The following LRP1B variants were observed in gnomAD, a reference collection of about 807,000 sequenced individuals.
LRP1B encodes LDL receptor related protein 1B.
A neutral mutation model predicts 556.6 loss-of-function variants in LRP1B; 217 were observed. The ratio of observed to expected loss-of-function variants is 0.39; its 90% CI spans 0.35 to 0.44. LRP1B has a LOEUF of 0.44. Ranked by LOEUF, LRP1B falls within the 20% of genes least tolerant of loss-of-function variation. The pLI is 1.00. For synonymous variants in LRP1B, 2,047 were observed against 1,865.8 expected (o/e 1.10, Z -2.50); for missense variants, 5,053 against 5,620.8 (o/e 0.90, Z 3.23).
chr2:140,522,851 T>C (rs1191369878), intron 49 of LRP1B, among the ~76,000 whole-genome samples: 1 of 151,840 alleles, frequency 6.6e-6, no homozygotes, highest in Non-Finnish European at 1.5e-5. Flanking sequence ...AGGAAGACAT[T>C]GAAAACATGA....
intron 2 of LRP1B, among the ~76,000 whole-genome samples, chr2:141,538,170 C>G (rs111812730): frequency 4.6e-5 from 7 of 152,234 alleles, no homozygotes; most frequent in African/African-American, 1.7e-4. Context: ...GTCCACACAA[C>G]CGCCATTTGC....
Position 142,115,332 on chromosome 2 carries a change from G to C in LRP1B, c.82+15316C>G, listed in dbSNP as rs1047766224. Among the ~76,000 whole-genome samples, 9 of 148,886 alleles carry C rather than the reference G, an allele frequency of 6.0e-5. 1 individual carries two copies. The highest frequency in any genetic ancestry group is 4.2e-4 in the Admixed American group (6 of 14,386). On this transcript the variant is annotated intron_variant, in intron 1 of 90. Coordinates refer to ENST00000389484, the MANE Select transcript of LRP1B (RefSeq NM_018557.3). ...AAAAAAGGTTGAAGATATGTCAAAGGGTAGAGGAGGCAAACTGAAAGAGCT... is the reference window on the plus strand; with the variant it reads ...AAAAAAGGTTGAAGATATGTCAAAGCGTAGAGGAGGCAAACTGAAAGAGCT...
intron 3 of LRP1B, among the ~76,000 whole-genome samples, chr2:141,366,997 T>A (rs1017298434): frequency 6.6e-6 from 1 of 152,188 alleles, no homozygotes; most frequent in African/African-American, 2.4e-5. Context: ...ACAGTAGAGA[T>A]GATTGGCTTT....
At chr2:140,349,967 G>A (rs1681882913) in intron 77 of LRP1B, among the ~76,000 whole-genome samples, 1 of 152,024 alleles carries the variant, frequency 6.6e-6, no homozygotes, top group African/African-American at 2.4e-5. Flanking sequence ...AGTGTTTATG[G>A]TAGATGCTAG....
chr2:141,241,072 G>A (rs77115620), intron 5 of LRP1B, among the ~76,000 whole-genome samples: 1,988 of 152,088 alleles, frequency 0.013, 12 homozygotes, highest in Non-Finnish European at 0.018. Context: ...AGGAGATTTT[G>A]TACCCCAGCA....
At chr2:141,199,973 G>A (rs1011749731) in intron 6 of LRP1B, among the ~76,000 whole-genome samples, 1 of 152,152 alleles carries the variant, frequency 6.6e-6, no homozygotes, top group African/African-American at 2.4e-5. Flanking sequence ...CACCCTGTTG[G>A]TGGGAGTGTT....
chr2:141,206,528 A>C (rs1013225717), intron 6 of LRP1B, among the ~76,000 whole-genome samples: 1 of 151,820 alleles, frequency 6.6e-6, no homozygotes, highest in South Asian at 2.1e-4. Flanking sequence ...CGGAGCTTGC[A>C]GTGAGCCGAG....
chr2:141,440,249 C>T (rs1195294771), intron 3 of LRP1B, among the ~76,000 whole-genome samples: 2 of 152,202 alleles, frequency 1.3e-5, no homozygotes, highest in Non-Finnish European at 1.5e-5. Flanking sequence ...GCTCCAGGGA[C>T]TTAAACGTTT....
chr2:140,551,512 A>C (rs1574071249), intron 43 of LRP1B, among the ~76,000 whole-genome samples: 1 of 152,192 alleles, frequency 6.6e-6, no homozygotes, highest in African/African-American at 2.4e-5. Flanking sequence ...GGAAGGGCTA[A>C]TATATAACAC....
intron 2 of LRP1B, among the ~76,000 whole-genome samples, chr2:141,599,066 C>CCCCCG (rs1687638674): frequency 6.4e-5 from 5 of 78,708 alleles, no homozygotes; most frequent in Non-Finnish European, 1.2e-4. Context: ...CCCCCCCCCC[C>CCCCCG]CCCCCCCCGC....
chr2:140,590,000 A>G (rs561359092), intron 43 of LRP1B, among the ~76,000 whole-genome samples: 69 of 152,076 alleles, frequency 4.5e-4, no homozygotes, highest in Non-Finnish European at 7.9e-4. Flanking sequence ...ATCATTAGGG[A>G]AAACTGGGTA....
chr2:140,346,342 TA>T (rs1277796897), intron 77 of LRP1B, among the ~76,000 whole-genome samples: 1 of 151,836 alleles, frequency 6.6e-6, no homozygotes, highest in Non-Finnish European at 1.5e-5. Flanking sequence ...AAAAATCCAT[TA>T]TAGCAAAGTG....
At position 141,626,974 on chromosome 2, in the gene LRP1B, G is replaced by A. The variant is rs950305243; in HGVS notation, c.206-146441C>T. 3.9e-5 allele frequency among the ~76,000 whole-genome samples: 6 copies of A among 152,242 alleles called. No homozygotes were observed. In the East Asian group the frequency reaches 1.2e-3, roughly 29 times the overall value. On this transcript the variant is annotated intron_variant, in intron 2 of 90. Coordinates refer to ENST00000389484, the MANE Select transcript of LRP1B (RefSeq NM_018557.3). Reference sequence around the variant, plus strand: ...GTTACACAAATAGCTGAAAACTTATGTGCACACAAAAGCCTAAACAAAAAT... The same window carrying A: ...GTTACACAAATAGCTGAAAACTTATATGCACACAAAAGCCTAAACAAAAAT...
At chr2:141,189,280 G>A (rs1681393610) in intron 6 of LRP1B, among the ~76,000 whole-genome samples, 2 of 151,918 alleles carry the variant, frequency 1.3e-5, no homozygotes, top group Admixed American at 1.3e-4. Context: ...AAATTAATCA[G>A]GCTCAGAGAG....
intron 3 of LRP1B, among the ~76,000 whole-genome samples, chr2:141,347,635 A>C (rs1487681102): frequency 6.6e-6 from 1 of 152,000 alleles, no homozygotes; most frequent in Non-Finnish European, 1.5e-5. Flanking sequence ...AAACCAATTC[A>C]TTTTCAGAAA....
intron 3 of LRP1B, among the ~76,000 whole-genome samples, chr2:141,342,243 CAA>C (rs759719074): frequency 0.037 from 4,142 of 110,552 alleles, 82 homozygotes; most frequent in Non-Finnish European, 0.057. Flanking sequence ...GACTCCATCT[CAA>C]AAAAAAAAAA....
chr2:141,474,723 TTA>T (rs773215140), intron 3 of LRP1B, among the ~76,000 whole-genome samples: 4 of 152,156 alleles, frequency 2.6e-5, no homozygotes, highest in Non-Finnish European at 5.9e-5. Flanking sequence ...TGCCAATTAA[TTA>T]TGTCATATAC....
intron 2 of LRP1B, among the ~76,000 whole-genome samples, chr2:141,798,452 A>C (rs1695893602): frequency 6.6e-6 from 1 of 152,128 alleles, no homozygotes; most frequent in Non-Finnish European, 1.5e-5. Flanking sequence ...TCACGCCTAT[A>C]ATCCCAGCAC....
At chr2:140,783,888 T>G (rs1483333800) in intron 32 of LRP1B, among the ~76,000 whole-genome samples, 1 of 152,228 alleles carries the variant, frequency 6.6e-6, no homozygotes, top group Non-Finnish European at 1.5e-5. Context: ...TTAGAAGTTC[T>G]CAAATTTCAG....
Sources: gnomAD v4.1 joint callset for allele counts (sites outside exome capture counted in the v4.1 genomes callset) on GRCh38, gnomAD v4.1.1 for gene constraint, MANE v1.5 for transcripts, NCBI Gene and HGNC (gene_info 2026-07-23, HGNC 2026-07-21) for gene names.